The following CALN1 variants were observed in gnomAD, a reference collection of about 807,000 sequenced individuals.
CALN1 encodes the protein calcium-binding protein 8.
A neutral mutation model predicts 30.6 loss-of-function variants in CALN1; 17 were observed. The ratio of observed to expected loss-of-function variants is 0.56; its 90% CI spans 0.38 to 0.83. The LOEUF is 0.83. Ranked by LOEUF, CALN1 falls within the 40% of genes least tolerant of loss-of-function variation. The probability of loss-of-function intolerance (pLI) is 0.00; values close to 1 mark genes in which losing one functional copy is unlikely to be tolerated. For synonymous variants in CALN1, 156 were observed against 131.4 expected (o/e 1.19, Z -1.28); for missense variants, 291 against 354.9 (o/e 0.82, Z 1.45).
chr7:72,276,932 G>C (rs2129553920), intron 3 of CALN1, among the ~76,000 whole-genome samples: 1 of 152,302 alleles, frequency 6.6e-6, no homozygotes, highest in Non-Finnish European at 1.5e-5. Flanking sequence ...ACCATATGAG[G>C]ACACAGCAAG....
At chr7:72,343,492 G>A (rs1034405575) in intron 2 of CALN1, among the ~76,000 whole-genome samples, 5 of 151,462 alleles carry the variant, frequency 3.3e-5, no homozygotes, top group African/African-American at 9.7e-5. Flanking sequence ...AGGTTGCAAT[G>A]AGCTGAGATC....
At chr7:72,258,305 T>G (rs1213716368) in intron 3 of CALN1, among the ~76,000 whole-genome samples, 3 of 152,120 alleles carry the variant, frequency 2.0e-5, no homozygotes, top group African/African-American at 7.2e-5. Context: ...TCTTTATGGT[T>G]CCATTTAGCA....
chr7:71,869,153 G>T (rs950526877), intron 5 of CALN1, among the ~76,000 whole-genome samples: 1 of 152,158 alleles, frequency 6.6e-6, no homozygotes, highest in South Asian at 2.1e-4. Flanking sequence ...TATATATACA[G>T]CTGCTAGAGA....
chr7:72,305,543 T>C (rs572877064), intron 2 of CALN1, among the ~76,000 whole-genome samples: 14 of 152,304 alleles, frequency 9.2e-5, no homozygotes, highest in African/African-American at 2.2e-4. Flanking sequence ...GAGCCTTAGA[T>C]AGCTTTCTGC....
At chr7:72,271,563 T>TAAAAAAAAAAA (rs1426004146) in intron 3 of CALN1, among the ~76,000 whole-genome samples, 6 of 76,256 alleles carry the variant, frequency 7.9e-5, no homozygotes, top group African/African-American at 1.6e-4. Flanking sequence ...TGCCTGCCTT[T>TAAAAAAAAAAA]TAAAAAAAAA....
At chr7:72,301,550 G>C (rs745664615) in intron 2 of CALN1, among the ~76,000 whole-genome samples, 3 of 149,768 alleles carry the variant, frequency 2.0e-5, no homozygotes, top group Admixed American at 6.7e-5. Flanking sequence ...AGAGGTTGCA[G>C]TGTGCTGAGA....
intron 5 of CALN1, among the ~76,000 whole-genome samples, chr7:71,950,923 TCCTTTCCTAG>T (rs1796657842): frequency 6.6e-6 from 1 of 152,158 alleles, no homozygotes; most frequent in African/African-American, 2.4e-5. Flanking sequence ...ACCCTGTCAT[TCCTTTCCTAG>T]CCATTTCACC....
Position 72,370,921 on chromosome 7 carries a change from G to A in CALN1, c.119+32330C>T, listed in dbSNP as rs569492190. On this transcript the variant is annotated intron_variant, in intron 2 of 6. Transcript: ENST00000395275. ...AAATTAGCGGGTTGTGGTGGCATGTGCCTGTAATTCCAGCCACTTGAGAGG... is the reference window on the plus strand; with the variant it reads ...AAATTAGCGGGTTGTGGTGGCATGTACCTGTAATTCCAGCCACTTGAGAGG... 3.6e-4 allele frequency among the ~76,000 whole-genome samples: 55 copies of A among 151,924 alleles called. 1 individual carries two copies. In the South Asian group the frequency reaches 1.0e-2, roughly 28 times the overall value.
chr7:72,448,283 G>A (rs560850403), upstream of CALN1, among the ~76,000 whole-genome samples: 5 of 152,314 alleles, frequency 3.3e-5, no homozygotes, highest in African/African-American at 9.6e-5. Context: ...GGCCAGGAGT[G>A]GAACAGAGAA....
At chr7:72,174,983 T>C (rs114158536) in intron 3 of CALN1, among the ~76,000 whole-genome samples, 2,762 of 151,064 alleles carry the variant, frequency 0.018, 92 homozygotes, top group African/African-American at 0.064. Flanking sequence ...TATTGGGTGG[T>C]AGTATTATAG....
chr7:72,198,661 C>A (rs1791207483), intron 3 of CALN1, among the ~76,000 whole-genome samples: 1 of 152,038 alleles, frequency 6.6e-6, no homozygotes, highest in Non-Finnish European at 1.5e-5. Context: ...GCATGGGACC[C>A]ACCTAAAAAA....
At chr7:71,887,326 G>A (rs56251697) in intron 5 of CALN1, among the ~76,000 whole-genome samples, 18,020 of 152,098 alleles carry the variant, frequency 0.12, 1,493 homozygotes, top group East Asian at 0.43. Context: ...ATGGAGTTTC[G>A]CTCTTGTTGC....
At chr7:71,994,910 T>C (rs577315287) in intron 5 of CALN1, among the ~76,000 whole-genome samples, 228 of 150,086 alleles carry the variant, frequency 1.5e-3, no homozygotes, top group Middle Eastern at 0.011. Context: ...TGGAGTGCAG[T>C]GGCGCGATCT....
intron 3 of CALN1, among the ~76,000 whole-genome samples, chr7:72,209,072 T>G (rs1190631598): frequency 3.1e-5 from 4 of 131,128 alleles, no homozygotes; most frequent in African/African-American, 1.2e-4. Context: ...CATCCTGTCC[T>G]CTCTCCTTCC....
chr7:72,494,943 T>C, the CALN1 span, among the ~76,000 whole-genome samples: 5 of 151,616 alleles, frequency 3.3e-5, no homozygotes, highest in Admixed American at 6.6e-5. Flanking sequence ...AGTGCCCTTA[T>C]GGCATGATAG....
At chr7:72,417,199 C>T (rs572274538), upstream of CALN1, among the ~76,000 whole-genome samples, 2 of 152,150 alleles carry the variant, frequency 1.3e-5, no homozygotes, top group Non-Finnish European at 2.9e-5. Context: ...CCTCGCCTCC[C>T]GAGGGAGGAC....
At position 71,970,550 on chromosome 7, in the gene CALN1, T is replaced by C. The variant is rs368990472; in HGVS notation, c.501+53107A>G. ...AAGAAATCCAATGCAAAATGGCAAC[T>C]AGGCTTTTTGGGACTTGTATCTGCA... On this transcript the variant is annotated intron_variant, in intron 5 of 6. Transcript: ENST00000395275. Among the ~76,000 whole-genome samples the C allele has an allele frequency of 6.6e-5, 10 of 152,118 alleles. No homozygotes were observed. The East Asian group carries it at 1.5e-3, about 24-fold the overall frequency.
chr7:72,502,902 C>T, the CALN1 span, among the ~76,000 whole-genome samples: 2 of 152,132 alleles, frequency 1.3e-5, no homozygotes, highest in Admixed American at 6.5e-5. Context: ...CCTGTAATCC[C>T]GGCACTTTGG....
At chr7:72,487,734 A>AAAGAAAGGAAGGAAGGAAGG in the CALN1 span, among the ~76,000 whole-genome samples, 304 of 56,560 alleles carry the variant, frequency 5.4e-3, 13 homozygotes, top group Non-Finnish European at 7.4e-3. Flanking sequence ...AGAAAGAAAG[A>AAAGAAAGGAAGGAAGGAAGG]AAGGAAGGAA....
Sources: gnomAD v4.1 joint callset for allele counts (sites outside exome capture counted in the v4.1 genomes callset) on GRCh38, gnomAD v4.1.1 for gene constraint, MANE v1.5 for transcripts, NCBI Gene and HGNC (gene_info 2026-07-23, HGNC 2026-07-21) for gene names.